Variants in COL5A1 observed in about 807,000 individuals in gnomAD.
COL5A1 encodes collagen type V alpha 1 chain, also known as collagen alpha-1(V) chain.
COL5A1 carries 16 observed loss-of-function variants against 263.7 expected under a neutral mutation model. The observed-to-expected ratio is 0.06, with a 90% CI of 0.04 to 0.09. The LOEUF is 0.09. COL5A1 is among the 10% of genes least tolerant of loss of function. The probability of loss-of-function intolerance (pLI) is 1.00; values close to 1 mark genes in which losing one functional copy is unlikely to be tolerated. For missense variants in COL5A1, 2,036 were observed against 2,540.5 expected, an observed-to-expected ratio of 0.80 and a Z score of 4.27; for synonymous variants, 1,012 against 1,004.5, an observed-to-expected ratio of 1.01 and a Z score of -0.14.
At chr9:134,809,672 C>A (rs539000587) in intron 43 of COL5A1, among the ~76,000 whole-genome samples, 1 of 152,220 alleles carries the variant, frequency 6.6e-6, no homozygotes, top group Non-Finnish European at 1.5e-5. Flanking sequence ...TAAATGTCTC[C>A]GCTTGAATTA....
Position 134,772,803 on chromosome 9 carries a change from A to G in COL5A1, c.2300A>G (p.Lys767Arg), listed in dbSNP as rs1288803022. 1 of 1,613,946 alleles carries G rather than the reference A, an allele frequency of 6.2e-7. No individual in the cohort carries two copies. The change falls in exon 26 of 66, where the codon AAA (lysine) becomes AGA (arginine). Residue 767 changes from lysine (K) to arginine (R), a missense_variant. Lys to Arg is a conservative substitution (Grantham distance 26). Coordinates refer to ENST00000371817, the MANE Select transcript of COL5A1 (RefSeq NM_000093.5). ...GADGPPGHPG[K>R]EGPPGEKGGQ... ...CTTTTGTGACAGGGACACCCTGGCA[A>G]AGAAGGCCCTCCAGGAGAGAAAGGA...
At position 134,817,041 on chromosome 9, in the gene COL5A1, ACTG is replaced by A; in HGVS notation, c.4139_4141del (p.Thr1380_Gly1381delinsSer). ...CCAATACCAGGGATCCCCCGGCCCT[ACTG>A]GTGAACCAGGTCCATCGGGGCCTCC... On this transcript the variant is annotated inframe_deletion, in exon 53 of 66. Transcript: ENST00000371817. 6.2e-7 allele frequency: 1 copy of A among 1,613,916 alleles called. No homozygotes were observed. Among genetic ancestry groups the A allele is most frequent in the Non-Finnish European group, 8.5e-7 (1 of 1,179,868 alleles).
rs150353538 is a variant in COL5A1, at chr9:134,647,033, G to A, written c.109+4737G>A. ...TTTGCAGGCTGCCTGACCTGTACTCGGCACTGGCTGTGTGGGGACGTTACC... is the reference window on the plus strand; with the variant it reads ...TTTGCAGGCTGCCTGACCTGTACTCAGCACTGGCTGTGTGGGGACGTTACC... On this transcript the variant is annotated intron_variant, in intron 1 of 65. Transcript: ENST00000371817. This position sits in a 1 kb window ranked among gnomAD's most constrained non-coding sequence, Gnocchi z 5.0. Among the ~76,000 whole-genome samples the A allele has an allele frequency of 7.6e-4, 115 of 152,286 alleles. 1 individual carries two copies. Among genetic ancestry groups the A allele is most frequent in the African/African-American group, 2.4e-3 (101 of 41,564 alleles).
At chr9:134,648,023 G>A (rs1831533578) in intron 1 of COL5A1, among the ~76,000 whole-genome samples, 1 of 152,072 alleles carries the variant, frequency 6.6e-6, no homozygotes. Flanking sequence ...AGTGGGCTGG[G>A]GAAGGCAGAC....
At chr9:134,695,248 C>T (rs1329723878) in intron 2 of COL5A1, among the ~76,000 whole-genome samples, 2 of 152,210 alleles carry the variant, frequency 1.3e-5, no homozygotes. Context: ...GCTCTGCCCA[C>T]ACCCCCCTGC....
Position 134,647,070 on chromosome 9 carries a change from C to T in COL5A1, c.109+4774C>T, listed in dbSNP as rs1831499476. ...GTGGGGACGTTACCATCGCCCCCAT[C>T]TTCAGTGGTGGTTTTGCAGGAGGAA... On this transcript the variant is annotated intron_variant, in intron 1 of 65. Coordinates refer to ENST00000371817, the MANE Select transcript of COL5A1 (RefSeq NM_000093.5). The surrounding 1 kb of genome is among the most constrained non-coding windows in gnomAD (Gnocchi z 5.0). 6.6e-6 allele frequency among the ~76,000 whole-genome samples: 1 copy of T among 152,204 alleles called. No homozygotes were observed. The highest frequency in any genetic ancestry group is 1.5e-5 in the Non-Finnish European group (1 of 68,036).
At position 134,750,794 on chromosome 9, in the gene COL5A1, G is replaced by T. The variant is rs375762619; in HGVS notation, c.1574G>T (p.Arg525Leu). The change falls in exon 13 of 66, where the codon CGG (arginine) becomes CTG (leucine). Residue 525 changes from arginine to leucine, a missense_variant. Physicochemically the swap from Arg to Leu is moderately radical, Grantham distance 102. Coordinates refer to ENST00000371817, the MANE Select transcript of COL5A1 (RefSeq NM_000093.5). ...PPGTMLMLPF[R>L]FGGGGDAGSK... ...ACCCTTGTCTTACACTTGCAGTTCC[G>T]GTTTGGAGGTGGCGGCGATGCGGGC... 1 of 1,613,332 alleles carries T rather than the reference G, an allele frequency of 6.2e-7. No individual in the cohort carries two copies. The highest frequency in any genetic ancestry group is 8.5e-7 in the Non-Finnish European group (1 of 1,180,020).
At chr9:134,670,880 G>A (rs1199105077) in intron 1 of COL5A1, among the ~76,000 whole-genome samples, 1 of 152,194 alleles carries the variant, frequency 6.6e-6, no homozygotes, top group African/African-American at 2.4e-5. Flanking sequence ...CTGACTTGCG[G>A]GTCTTCTCCC....
intron 1 of COL5A1, among the ~76,000 whole-genome samples, chr9:134,684,957 C>T (rs1832965385): frequency 6.6e-6 from 1 of 151,436 alleles, no homozygotes; most frequent in African/African-American, 2.4e-5. Context: ...TTCATCCATC[C>T]ATCCACCATC....
intron 1 of COL5A1, among the ~76,000 whole-genome samples, chr9:134,666,574 C>G (rs1832365347): frequency 6.6e-6 from 1 of 152,230 alleles, no homozygotes; most frequent in Non-Finnish European, 1.5e-5. Context: ...TTCCTCTTCT[C>G]TCTCCTGGAT....
Position 134,730,256 on chromosome 9 carries a change from G to A in COL5A1, c.945G>A (p.Thr315=), listed in dbSNP as rs149123775. The A allele has an allele frequency of 3.8e-5, 62 of 1,613,872 alleles. 1 individual carries two copies. The highest frequency in any genetic ancestry group is 3.3e-4 in the East Asian group (15 of 44,892). The change falls in exon 7 of 66, where the codon ACG becomes ACA. Residue 315 remains threonine, a synonymous_variant. Coordinates refer to ENST00000371817, the MANE Select transcript of COL5A1 (RefSeq NM_000093.5). The stretch of plus-strand genomic sequence containing the variant: ...CCCAGGAGCTGACCCCGACCCCCAC[G>A]GAAGCTGCTCCCATGCCTGAAACCA... ...EVPEELTPTP[T]EAAPMPETSE... is the part of the protein sequence containing the mutation.
intron 31 of COL5A1, among the ~76,000 whole-genome samples, chr9:134,786,426 G>C (rs1837461552): frequency 6.6e-6 from 1 of 152,152 alleles, no homozygotes; most frequent in African/African-American, 2.4e-5. Flanking sequence ...TGAGTCTTCT[G>C]CCCCAGTCGG....
chr9:134,735,262 G>C (rs3109681), intron 9 of COL5A1, among the ~76,000 whole-genome samples: 86,053 of 151,352 alleles, frequency 0.57, 25,596 homozygotes, highest in African/African-American at 0.74. Context: ...GTTTGATAGA[G>C]TTACCCAGGC....
In COL5A1 at chr9:134,756,627, C is replaced by T. The variant is rs565961713; in HGVS notation, c.1828-138C>T. The T allele has an allele frequency of 1.9e-4, 175 of 933,340 alleles. 3 individuals are homozygous for T. The South Asian group carries it at 2.0e-3, about 11-fold the overall frequency. 57.8% of individuals were successfully genotyped at this position (933,340 alleles called of 1,614,324 possible). A position where few individuals can be genotyped will look rare whatever the true frequency, so the allele number is the denominator to read the frequency against. On this transcript the variant is annotated intron_variant, in intron 16 of 65. Coordinates refer to ENST00000371817, the MANE Select transcript of COL5A1 (RefSeq NM_000093.5). ...CTGGATCTGGGTCCTCGCAGCAGCC[C>T]GGCCACTCGGGCTGTGACCTTGGGG...
intron 1 of COL5A1, among the ~76,000 whole-genome samples, chr9:134,658,698 TC>T (rs148376189): frequency 0.031 from 4,683 of 152,060 alleles, 153 homozygotes; most frequent in African/African-American, 0.078. Context: ...CCGGCTTCTG[TC>T]CCCTGGAGGG....
chr9:134,816,497 G>T (rs572215995), intron 52 of COL5A1, among the ~76,000 whole-genome samples: 1 of 152,372 alleles, frequency 6.6e-6, no homozygotes, highest in African/African-American at 2.4e-5. Flanking sequence ...CTGAGGCCTT[G>T]CAGATGCCCT....
At chr9:134,804,162 G>A (rs1811453374) in intron 39 of COL5A1, among the ~76,000 whole-genome samples, 1 of 152,190 alleles carries the variant, frequency 6.6e-6, no homozygotes, top group South Asian at 2.1e-4. Flanking sequence ...GGGTGTGCAT[G>A]TAGATATAGG....
At chr9:134,792,975 G>C (rs1205399973) in intron 32 of COL5A1, among the ~76,000 whole-genome samples, 2 of 151,930 alleles carry the variant, frequency 1.3e-5, no homozygotes, top group Non-Finnish European at 2.9e-5. Context: ...TCTGCCTGCT[G>C]TCTGTCTGCC....
At chr9:134,660,351 CA>C (rs1296948335) in intron 1 of COL5A1, among the ~76,000 whole-genome samples, 1 of 152,208 alleles carries the variant, frequency 6.6e-6, no homozygotes, top group Non-Finnish European at 1.5e-5. Flanking sequence ...CTGGGTAACT[CA>C]CCTACGCCTA....
Sources: gnomAD v4.1 joint callset for allele counts (sites outside exome capture counted in the v4.1 genomes callset) on GRCh38, gnomAD v4.1.1 for gene constraint, Gnocchi (gnomAD v3.1) non-coding constraint, MANE v1.5 for transcripts, NCBI Gene and HGNC (gene_info 2026-07-23, HGNC 2026-07-21) for gene names.